The following PTPRQ variants were observed in gnomAD, a reference collection of about 807,000 sequenced individuals.
PTPRQ encodes protein tyrosine phosphatase receptor type Q, also known as phosphatidylinositol phosphatase PTPRQ.
Under a neutral mutation model 246.0 loss-of-function variants are expected in PTPRQ, and 199 were observed. The observed-to-expected ratio is 0.81, with a 90% CI of 0.72 to 0.91. The LOEUF (loss-of-function observed/expected upper bound fraction) is 0.91. Among genes scored for constraint, PTPRQ ranks in the 40% least tolerant of loss-of-function variants. PTPRQ has a pLI of 0.00. For missense variants in PTPRQ, 2,624 were observed against 2,528.4 expected (o/e 1.04, Z -0.81); for synonymous variants, 869 against 853.2 (o/e 1.02, Z -0.32).
In PTPRQ at chr12:80,535,563, C is replaced by A. The variant is rs531294962; in HGVS notation, c.2985+526C>A. On this transcript the variant is annotated intron_variant, in intron 19 of 44. Transcript: ENST00000644991. ...AATGTCAGATGAAATGAAGACCACT[C>A]GGAATGTGTTTAATTAATTTGTCAT... Among the ~76,000 whole-genome samples the A allele has an allele frequency of 5.9e-5, 9 of 152,120 alleles. No individual in the cohort carries two copies. The South Asian group carries it at 1.7e-3, about 28-fold the overall frequency.
chr12:80,600,834 A>G (rs184386157), intron 26 of PTPRQ, among the ~76,000 whole-genome samples: 41 of 151,930 alleles, frequency 2.7e-4, no homozygotes, highest in Admixed American at 2.4e-3. Flanking sequence ...TCCTAACAAA[A>G]GAAGACATTA....
chr12:80,549,006 C>G (rs552670844), intron 24 of PTPRQ, among the ~76,000 whole-genome samples: 73 of 152,206 alleles, frequency 4.8e-4, no homozygotes, highest in African/African-American at 1.6e-3. Context: ...AAAACCAGTA[C>G]CTTTAAATTA....
intron 19 of PTPRQ, among the ~76,000 whole-genome samples, chr12:80,539,476 A>C (rs1896084656): frequency 6.6e-6 from 1 of 152,150 alleles, no homozygotes; most frequent in African/African-American, 2.4e-5. Flanking sequence ...GATGCTGATC[A>C]GCACAGTTGT....
At chr12:80,569,744 C>A (rs546201472) in intron 25 of PTPRQ, among the ~76,000 whole-genome samples, 167 of 151,684 alleles carry the variant, frequency 1.1e-3, no homozygotes, top group African/African-American at 3.9e-3. Context: ...CCTAGCCCCC[C>A]ACCCCCGACA....
Position 80,632,263 on chromosome 12 carries a change from C to G in PTPRQ, c.5758C>G (p.Leu1920Val). 6.4e-7 allele frequency: 1 copy of G among 1,551,254 alleles called. No individual in the cohort carries two copies. The highest frequency in any genetic ancestry group is 8.7e-7 in the Non-Finnish European group (1 of 1,146,810). Residue 1920 changes from leucine (L) to valine (V), a missense_variant, in exon 34 of 45, where the codon CTT becomes GTT. Transcript: ENST00000644991. ...TTTGTGTATCCTTTCAATAATTCTC[C>G]TTGGAACAGCTATTTTTGCATTTGC... Reference protein sequence around the residue: ...VTLCILSIILLGTAIFAFARI... With the variant: ...VTLCILSIILVGTAIFAFARI...
At chr12:80,465,903 T>G (rs1293786638) in intron 6 of PTPRQ, among the ~76,000 whole-genome samples, 2 of 152,162 alleles carry the variant, frequency 1.3e-5, no homozygotes, top group African/African-American at 4.8e-5. Context: ...AATATCATAC[T>G]GAATGGGCAA....
intron 27 of PTPRQ, among the ~76,000 whole-genome samples, chr12:80,608,350 T>C (rs1484879806): frequency 2.7e-5 from 4 of 150,598 alleles, no homozygotes; most frequent in Non-Finnish European, 4.5e-5. Flanking sequence ...GGACAAGTAA[T>C]AGCTAACAAC....
rs749053935 is a variant in PTPRQ, at chr12:80,549,769, C to CT, written c.4285+38dup. The CT allele has an allele frequency of 1.5e-5, 22 of 1,504,736 alleles. No individual in the cohort carries two copies. The African/African-American group carries it at 2.9e-4, about 20-fold the overall frequency. 93.2% of individuals were successfully genotyped at this position (1,504,736 alleles called of 1,614,324 possible). ...GTGAAACAGGTAACTAACATGAAAC[C>CT]TTTAACTATTTGGGGATTGTGTCAA... On this transcript the variant is annotated intron_variant, in intron 25 of 44. Coordinates refer to ENST00000644991, the MANE Select transcript of PTPRQ (RefSeq NM_001145026.2).
intron 37 of PTPRQ, among the ~76,000 whole-genome samples, chr12:80,650,865 T>C (rs1195225881): frequency 6.6e-6 from 1 of 152,084 alleles, no homozygotes; most frequent in Non-Finnish European, 1.5e-5. Flanking sequence ...TTTAAGTTTT[T>C]TGAAGACCAT....
intron 8 of PTPRQ, among the ~76,000 whole-genome samples, chr12:80,480,177 G>C (rs11503530): frequency 0.053 from 8,089 of 151,612 alleles, 401 homozygotes; most frequent in African/African-American, 0.13. Flanking sequence ...AACTATCTCT[G>C]AGACCACAGT....
At chr12:80,558,762 T>C (rs1221677925) in intron 25 of PTPRQ, among the ~76,000 whole-genome samples, 1 of 152,192 alleles carries the variant, frequency 6.6e-6, no homozygotes, top group African/African-American at 2.4e-5. Flanking sequence ...GTATGAGCCA[T>C]CCAGGTTCAC....
At position 80,650,179 on chromosome 12, in the gene PTPRQ, TA is replaced by T. The variant is rs530161001; in HGVS notation, c.6024+519del. ...AATTATTTCTAGAACTGTCTAAAAATAAAAAAAAAGATAAGTAATGTCCACG... is the reference window on the plus strand; with the variant it reads ...AATTATTTCTAGAACTGTCTAAAAATAAAAAAAAGATAAGTAATGTCCACG... On this transcript the variant is annotated intron_variant, in intron 37 of 44. Coordinates refer to ENST00000644991, the MANE Select transcript of PTPRQ (RefSeq NM_001145026.2). 3.7e-3 allele frequency among the ~76,000 whole-genome samples: 560 copies of T among 150,832 alleles called. 2 individuals carry two copies. The highest frequency in any genetic ancestry group is 0.012 in the African/African-American group (495 of 41,202).
chr12:80,569,301 T>C (rs1278251224), intron 25 of PTPRQ, among the ~76,000 whole-genome samples: 2 of 150,526 alleles, frequency 1.3e-5, no homozygotes, highest in African/African-American at 4.9e-5. Context: ...TCATCATTTT[T>C]TATGGCTGCA....
At chr12:80,465,532 G>A (rs1893365466) in intron 6 of PTPRQ, 1 of 152,230 alleles carries the variant, frequency 6.6e-6, no homozygotes, top group African/African-American at 2.4e-5. Flanking sequence ...TGATACCAAA[G>A]CCGGGTAGAG....
At chr12:80,609,906 T>C (rs1411664123) in intron 27 of PTPRQ, among the ~76,000 whole-genome samples, 1 of 150,684 alleles carries the variant, frequency 6.6e-6, no homozygotes, top group African/African-American at 2.4e-5. Context: ...TGTTTCCTTT[T>C]GTGGGTAATG....
chr12:80,571,150 A>C (rs1897135455), intron 25 of PTPRQ, among the ~76,000 whole-genome samples: 1 of 152,126 alleles, frequency 6.6e-6, no homozygotes, highest in East Asian at 1.9e-4. Flanking sequence ...GGGGGATAGC[A>C]CTGAATCTAT....
At chr12:80,546,864 G>A in intron 24 of PTPRQ, 167 bp downstream of exon 24, 1 of 756,364 alleles carries the variant, frequency 1.3e-6, no homozygotes, top group South Asian at 2.2e-5. Context: ...ATCATATGCT[G>A]TATGTGTGTT....
chr12:80,548,262 A>G (rs1896367951), intron 24 of PTPRQ, among the ~76,000 whole-genome samples: 1 of 152,062 alleles, frequency 6.6e-6, no homozygotes, highest in African/African-American at 2.4e-5. Flanking sequence ...TTGAGGTTCA[A>G]AAAATCAGGA....
chr12:80,628,413 C>T lies in PTPRQ; in HGVS notation c.5687-3779C>T, dbSNP rs896959751. 3.3e-5 allele frequency among the ~76,000 whole-genome samples: 5 copies of T among 152,050 alleles called. 1 individual carries two copies. The highest frequency in any genetic ancestry group is 4.1e-4 in the South Asian group (2 of 4,828). ...AGGACAAAAAGATGAAGCATTAATA[C>T]GTGCCTATTTTACACATTGGTAACC... On this transcript the variant is annotated intron_variant, in intron 33 of 44. Transcript: ENST00000644991.
Sources: allele counts gnomAD v4.1 joint callset (sites outside exome capture counted in the v4.1 genomes callset), GRCh38; gene constraint gnomAD v4.1.1; transcripts MANE v1.5; gene names NCBI Gene and HGNC (gene_info 2026-07-23, HGNC 2026-07-21).